IPP: variants seen among roughly 807,000 people sequenced by gnomAD.
The protein encoded by IPP is intracisternal A particle-promoted polypeptide, also known as actin-binding protein IPP.
Under a neutral mutation model 64.1 loss-of-function variants are expected in IPP, and 41 were observed. The observed-to-expected ratio is 0.64, with a 90% CI of 0.50 to 0.83. The LOEUF is 0.83. Among genes scored for constraint, IPP ranks in the 40% least tolerant of loss-of-function variants. The pLI, the probability that IPP is intolerant of heterozygous loss-of-function variation, is 0.00. For missense variants in IPP, 649 were observed against 703.0 expected (o/e 0.92, Z 0.87); for synonymous variants, 214 against 235.2 (o/e 0.91, Z 0.83).
chr1:45,720,042 A>G (rs1645712013), intron 5 of IPP, among the ~76,000 whole-genome samples: 2 of 151,534 alleles, frequency 1.3e-5, no homozygotes, highest in African/African-American at 4.9e-5. Context: ...AAAATTTTAA[A>G]AAGATACCCA....
chr1:45,740,372 G>C (rs1646043769), intron 3 of IPP, among the ~76,000 whole-genome samples: 1 of 152,006 alleles, frequency 6.6e-6, no homozygotes, highest in African/African-American at 2.4e-5. Flanking sequence ...CTGGGCAGAG[G>C]GGCTCCTCAC....
At chr1:45,729,361 A>C (rs909679176) in intron 4 of IPP, among the ~76,000 whole-genome samples, 2 of 152,166 alleles carry the variant, frequency 1.3e-5, no homozygotes, top group Non-Finnish European at 2.9e-5. Context: ...TTATTTGATA[A>C]CTGGATAATC....
intron 5 of IPP, among the ~76,000 whole-genome samples, chr1:45,724,665 G>C (rs563734198): frequency 1.1e-4 from 16 of 151,416 alleles, no homozygotes; most frequent in Admixed American, 1.1e-3. Flanking sequence ...CCTCTGCCGG[G>C]CCGCAACCCT....
chr1:45,747,863 A>AAAC (rs1646161215), intron 1 of IPP, among the ~76,000 whole-genome samples: 2 of 146,376 alleles, frequency 1.4e-5, no homozygotes, highest in Admixed American at 6.8e-5. Context: ...AAAAAAAAAA[A>AAAC]AAAACCATGA....
At chr1:45,738,926 A>G (rs969204780) in intron 3 of IPP, among the ~76,000 whole-genome samples, 5 of 151,814 alleles carry the variant, frequency 3.3e-5, no homozygotes, top group East Asian at 1.9e-4. Context: ...TGTTGTGACT[A>G]TAGGCTTGCA....
chr1:45,719,695 T>C (rs374909419), intron 5 of IPP, among the ~76,000 whole-genome samples: 2 of 152,238 alleles, frequency 1.3e-5, no homozygotes, highest in Non-Finnish European at 2.9e-5. Context: ...TGAGTTTTAA[T>C]GTAATCCTTT....
chr1:45,733,219 G>A (rs1355048251), intron 3 of IPP, among the ~76,000 whole-genome samples: 1 of 151,640 alleles, frequency 6.6e-6, no homozygotes, highest in Non-Finnish European at 1.5e-5. Flanking sequence ...AAGGTCAGGA[G>A]TTCGAGAACA....
intron 1 of IPP, among the ~76,000 whole-genome samples, chr1:45,747,649 A>C (rs1646156184): frequency 6.6e-6 from 1 of 151,940 alleles, no homozygotes; most frequent in Non-Finnish European, 1.5e-5. Flanking sequence ...CCAACATGAC[A>C]AAACCCCGTC....
intron 3 of IPP, 150 bp from the exon 4 acceptor site, chr1:45,729,919 T>G (rs1266993813): frequency 1.8e-6 from 1 of 561,182 alleles, no homozygotes; most frequent in African/African-American, 2.0e-5. Context: ...TACCAAATAT[T>G]GGTACTGACT....
intron 5 of IPP, among the ~76,000 whole-genome samples, chr1:45,720,382 TGAATTA>T (rs1645716243): frequency 6.6e-6 from 1 of 152,156 alleles, no homozygotes; most frequent in African/African-American, 2.4e-5. Flanking sequence ...ATAATGCTCA[TGAATTA>T]TAAGAGTCAA....
chr1:45,734,444 T>C (rs1450652704), intron 3 of IPP, among the ~76,000 whole-genome samples: 2 of 152,032 alleles, frequency 1.3e-5, no homozygotes, highest in Non-Finnish European at 2.9e-5. Context: ...CTTCCTTATT[T>C]TTTTTTCTTT....
At chr1:45,700,838 C>A (rs1377660391) in intron 8 of IPP, among the ~76,000 whole-genome samples, 1 of 152,128 alleles carries the variant, frequency 6.6e-6, no homozygotes, top group East Asian at 1.9e-4. Flanking sequence ...AAAAGAACCA[C>A]AAAGCTCCAA....
At position 45,727,684 on chromosome 1, in the gene IPP, G is replaced by C; in HGVS notation, c.995C>G (p.Ala332Gly). Residue 332 changes from alanine (A) to glycine (G), a missense_variant, in exon 5 of 9, where the codon GCT becomes GGT. Ala to Gly is a moderately conservative substitution (Grantham distance 60). Transcript: ENST00000396478. ...AACTGTTACTCCCAGCCCACTTCGA[G>C]CCTGATGAAGTGAAGACACAGTGGT... ...YWTTVSSLHQ[A>G]RSGLGVTVLG... 1 of 1,594,566 alleles carries C rather than the reference G, an allele frequency of 6.3e-7. No homozygotes were observed. Among genetic ancestry groups the C allele is most frequent in the Non-Finnish European group, 8.6e-7 (1 of 1,165,530 alleles).
chr1:45,745,665 T>C (rs1439794751), intron 2 of IPP, among the ~76,000 whole-genome samples: 2 of 151,276 alleles, frequency 1.3e-5, no homozygotes, highest in African/African-American at 4.9e-5. Flanking sequence ...GAGACAATCC[T>C]GGCTAACACA....
Position 45,729,692 on chromosome 1 carries a change from C to G in IPP, c.802G>C (p.Glu268Gln), listed in dbSNP as rs562574841. 9.9e-5 allele frequency: 159 copies of G among 1,612,428 alleles called. 5 individuals are homozygous for G. In the South Asian group the frequency reaches 1.6e-3, roughly 16 times the overall value. Residue 268 changes from glutamate to glutamine, a missense_variant, in exon 4 of 9, where the codon GAG becomes CAG. Transcript: ENST00000396478. The part of the protein sequence containing the change: ...EYCEVCKSPK[E>Q]NKFCSFLQTS... The stretch of plus-strand genomic sequence containing the variant: ...TGCAGAAAACTACAAAACTTGTTCT[C>G]TTTGGGAGATTTGCATACTTCACAG...
chr1:45,694,352 C>T (rs1645367493), downstream of IPP: 1 of 859,708 alleles, frequency 1.2e-6, no homozygotes, highest in African/African-American at 1.7e-5. Context: ...TTAGTTTTCA[C>T]TCAGTCATTT....
At chr1:45,700,487 G>A (rs568024228) in intron 8 of IPP, among the ~76,000 whole-genome samples, 10 of 152,036 alleles carry the variant, frequency 6.6e-5, no homozygotes, top group African/African-American at 2.2e-4. Flanking sequence ...GACTACAGGT[G>A]TACACCACCA....
At chr1:45,745,974 C>A in intron 2 of IPP, 146 bp downstream of exon 2, 1 of 617,242 alleles carries the variant, frequency 1.6e-6, no homozygotes, top group South Asian at 2.6e-5. Context: ...AAAAGGAGCA[C>A]CGGGTCATAA....
intron 3 of IPP, among the ~76,000 whole-genome samples, chr1:45,731,295 G>A (rs1259675731): frequency 6.6e-6 from 1 of 152,030 alleles, no homozygotes; most frequent in Non-Finnish European, 1.5e-5. Context: ...TTTAAAATGA[G>A]CTGGGCGTGG....
Sources: allele counts gnomAD v4.1 joint callset (sites outside exome capture counted in the v4.1 genomes callset), GRCh38; gene constraint gnomAD v4.1.1; transcripts MANE v1.5; gene names NCBI Gene and HGNC (gene_info 2026-07-23, HGNC 2026-07-21).